Variants in GPN1 observed in about 807,000 individuals in gnomAD.
GPN1 encodes ATP(GTP)-binding protein.
Under a neutral mutation model 55.9 loss-of-function variants are expected in GPN1, and 44 were observed. The observed-to-expected ratio is 0.79, with a 90% CI of 0.62 to 1.01. The LOEUF is 1.01. Ranked by LOEUF, GPN1 falls within the 50% of genes least tolerant of loss-of-function variation. The pLI is 0.00. For missense variants in GPN1, 466 were observed against 462.8 expected (o/e 1.01, Z -0.06); for synonymous variants, 179 against 162.5 (o/e 1.10, Z -0.77).
At chr2:27,638,013 G>A (rs1673796351) in intron 7 of GPN1, among the ~76,000 whole-genome samples, 197 bp from the exon 8 acceptor site, 1 of 152,190 alleles carries the variant, frequency 6.6e-6, no homozygotes. Context: ...TCAAACAAGA[G>A]TGAGAGTGTG....
chr2:27,637,649 C>T (rs1345437052), intron 7 of GPN1, among the ~76,000 whole-genome samples: 3 of 152,090 alleles, frequency 2.0e-5, no homozygotes, highest in East Asian at 3.8e-4. Flanking sequence ...GGAGATAATA[C>T]TTATGAAAGT....
upstream of GPN1, chr2:27,628,265 G>C (rs752232806): frequency 2.7e-4 from 241 of 899,262 alleles, no homozygotes; most frequent in Non-Finnish European, 6.7e-5. Context: ...CAGCTACAAA[G>C]GGTCACAGAA....
At chr2:27,650,003 A>AGTACTTAAGTTTCTTAGAAGTAAT in intron 13 of GPN1, 112 bp from the exon 14 acceptor site, 1 of 643,930 alleles carries the variant, frequency 1.6e-6, no homozygotes, top group East Asian at 2.7e-5. Context: ...GAGGGAAGTG[A>AGTACTTAAGTTTCTTAGAAGTAAT]GTACTTAAGT....
chr2:27,635,619 C>G (rs1673705779), intron 7 of GPN1, among the ~76,000 whole-genome samples: 1 of 151,954 alleles, frequency 6.6e-6, no homozygotes, highest in Non-Finnish European at 1.5e-5. Context: ...AGTTTGAAAC[C>G]AGGCTGGGGA....
rs1674465428 is a variant in GPN1, at chr2:27,650,288, C to T, written c.*88C>T. On this transcript the variant is annotated 3_prime_UTR_variant, in exon 14 of 14. Coordinates refer to ENST00000610189, the MANE Select transcript of GPN1 (RefSeq NM_007266.4). Reference sequence around the variant, plus strand: ...ACTGTTCTTACCTCTGAACTGGGGGCTCCCATAAGGGATAATTTTCCTCAG... The same window carrying T: ...ACTGTTCTTACCTCTGAACTGGGGGTTCCCATAAGGGATAATTTTCCTCAG... 1.4e-6 allele frequency: 1 copy of T among 702,572 alleles called. No homozygotes were observed. Among genetic ancestry groups the T allele is most frequent in the Non-Finnish European group, 2.5e-6 (1 of 404,208 alleles). 43.5% of individuals were successfully genotyped at this position (702,572 alleles called of 1,614,324 possible).
At chr2:27,641,780 G>T (rs1673963103) in intron 11 of GPN1, among the ~76,000 whole-genome samples, 1 of 152,084 alleles carries the variant, frequency 6.6e-6, no homozygotes, top group African/African-American at 2.4e-5. Flanking sequence ...TAAATTTTTT[G>T]TATAGACAAG....
chr2:27,638,070 A>G (rs1011362957), intron 7 of GPN1, 140 bp from the exon 8 acceptor site: 3 of 602,366 alleles, frequency 5.0e-6, no homozygotes, highest in East Asian at 2.9e-5. Context: ...CAGAGACTAT[A>G]TGATGTTATG....
intron 10 of GPN1, 120 bp downstream of exon 10, chr2:27,640,245 A>G: frequency 1.3e-6 from 1 of 756,644 alleles, no homozygotes. Flanking sequence ...TTTGGTTTGC[A>G]TATGTGTATT....
chr2:27,650,353 A>G lies in GPN1; in HGVS notation c.*153A>G, dbSNP rs970362062. The G allele has an allele frequency of 1.9e-6, 1 of 518,790 alleles. No individual in the cohort carries two copies. The highest frequency in any genetic ancestry group is 3.2e-5 in the Admixed American group (1 of 31,022). 32.1% of individuals were successfully genotyped at this position (518,790 alleles called of 1,614,324 possible). Reference sequence around the variant, plus strand: ...TCTTATTAGAGAAATCTTGTGACTCAGATGAAGTCAGGGATAGAAGACCCT... The same window carrying G: ...TCTTATTAGAGAAATCTTGTGACTCGGATGAAGTCAGGGATAGAAGACCCT... On this transcript the variant is annotated 3_prime_UTR_variant, in exon 14 of 14. Coordinates refer to ENST00000610189, the MANE Select transcript of GPN1 (RefSeq NM_007266.4).
At chr2:27,646,269 T>TG (rs1366513294) in intron 12 of GPN1, among the ~76,000 whole-genome samples, 1 of 152,212 alleles carries the variant, frequency 6.6e-6, no homozygotes, top group Non-Finnish European at 1.5e-5. Context: ...CTTGAACTCC[T>TG]GACCTCAGGT....
At position 27,638,238 on chromosome 2, in the gene GPN1, A is replaced by G; in HGVS notation, c.553A>G (p.Ile185Val). 1.9e-6 allele frequency: 3 copies of G among 1,568,308 alleles called. No homozygotes were observed. In the South Asian group the frequency reaches 3.3e-5, roughly 17 times the overall value. ...CTTATACAAAACCAAGCTGCCTTTC[A>G]TTGTGGTCATGAATAAAGTAAGTGT... Reference protein sequence around the residue: ...SILYKTKLPFIVVMNKTDIID... With the variant: ...SILYKTKLPFVVVMNKTDIID... The change falls in exon 8 of 14, where the codon ATT becomes GTT. Residue 185 changes from isoleucine (I) to valine (V), a missense_variant. Coordinates refer to ENST00000610189, the MANE Select transcript of GPN1 (RefSeq NM_007266.4).
At chr2:27,642,977 A>ACG (rs1173028391) in intron 12 of GPN1, among the ~76,000 whole-genome samples, 4 of 151,216 alleles carry the variant, frequency 2.6e-5, no homozygotes, top group Non-Finnish European at 4.4e-5. Context: ...ACACACACAC[A>ACG]CACACACACA....
chr2:27,635,284 T>TTC (rs1339988673), intron 7 of GPN1, 50 bp downstream of exon 7: 1 of 824,394 alleles, frequency 1.2e-6, no homozygotes, highest in Non-Finnish European at 2.0e-6. Context: ...TAAGGCCTTT[T>TTC]TCTCTTCTTC....
chr2:27,639,982 T>G (rs1673873766), intron 9 of GPN1, 61 bp from the exon 10 acceptor site: 1 of 1,068,774 alleles, frequency 9.4e-7, no homozygotes, highest in East Asian at 2.4e-5. Context: ...AACAAGTTAA[T>G]GTACTTCATT....
intron 7 of GPN1, among the ~76,000 whole-genome samples, chr2:27,636,908 C>T (rs1003030629): frequency 8.5e-5 from 13 of 152,092 alleles, no homozygotes; most frequent in East Asian, 5.8e-4. Context: ...GTTTTGAACT[C>T]GTGGGCTCAG....
chr2:27,635,300 C>CTTTTTTT (rs57185039), intron 7 of GPN1, 66 bp downstream of exon 7: 75,075 of 494,982 alleles, frequency 0.15, 4,287 homozygotes, highest in East Asian at 0.29. Flanking sequence ...TCTTCTTCCT[C>CTTTTTTT]TTTTTTTTTT....
At chr2:27,632,424 C>T (rs1193831270) in intron 4 of GPN1, among the ~76,000 whole-genome samples, 1 of 152,144 alleles carries the variant, frequency 6.6e-6, no homozygotes, top group African/African-American at 2.4e-5. Flanking sequence ...TTGGATTGTG[C>T]CCCAAGATGG....
chr2:27,633,069 T>C (rs1312697384), intron 5 of GPN1, among the ~76,000 whole-genome samples: 1 of 152,232 alleles, frequency 6.6e-6, no homozygotes, highest in South Asian at 2.1e-4. Context: ...ATAGGAAATA[T>C]TTGTTCTTAT....
chr2:27,629,299 A>G (rs1368887350), intron 1 of GPN1, 130 bp downstream of exon 1: 1 of 1,465,198 alleles, frequency 6.8e-7, no homozygotes, highest in African/African-American at 1.4e-5. Context: ...CTTCCCATCA[A>G]CTTTAGTTCC....
Sources: gnomAD v4.1 joint callset for allele counts (sites outside exome capture counted in the v4.1 genomes callset) on GRCh38, gnomAD v4.1.1 for gene constraint, MANE v1.5 for transcripts, NCBI Gene and HGNC (gene_info 2026-07-23, HGNC 2026-07-21) for gene names.